The following MECR variants were observed in gnomAD, a reference collection of about 807,000 sequenced individuals.
MECR encodes the protein enoyl-[acyl-carrier-protein] reductase, mitochondrial.
In MECR, 37 loss-of-function variants were observed where a neutral mutation model predicts 49.1. That is an observed-to-expected ratio of 0.75 (90% CI 0.58 to 0.99). MECR has a LOEUF of 0.99. MECR is among the 50% of genes least tolerant of loss of function. The pLI is 0.00. For missense variants in MECR, 470 were observed against 479.6 expected (o/e 0.98, Z 0.19); for synonymous variants, 198 against 191.1 (o/e 1.04, Z -0.30).
intron 1 of MECR, among the ~76,000 whole-genome samples, chr1:29,219,809 C>T (rs183845615): frequency 4.6e-5 from 7 of 152,272 alleles, no homozygotes; most frequent in Admixed American, 2.0e-4. Context: ...ATAAAAACCT[C>T]GTTAGATCGT....
chr1:29,215,618 C>G (rs1679194632), intron 3 of MECR, among the ~76,000 whole-genome samples: 1 of 151,854 alleles, frequency 6.6e-6, no homozygotes, highest in East Asian at 1.9e-4. Context: ...GGCCTGCAGT[C>G]CCAGCATTTT....
chr1:29,181,899 G>A, the MECR span: 5 of 535,480 alleles, frequency 9.3e-6, no homozygotes, highest in Non-Finnish European at 8.8e-6. Flanking sequence ...ACGCGAGCAC[G>A]CAGCTCGCGA....
At chr1:29,212,352 GAGGTTGC>G (rs1678225844) in intron 3 of MECR, among the ~76,000 whole-genome samples, 1 of 152,162 alleles carries the variant, frequency 6.6e-6, no homozygotes, top group African/African-American at 2.4e-5. Context: ...CCATGAGGTG[GAGGTTGC>G]AGGTTGCAGT....
the MECR span, among the ~76,000 whole-genome samples, chr1:29,175,627 G>A: frequency 2.9e-5 from 4 of 135,756 alleles, no homozygotes; most frequent in East Asian, 2.2e-4. Flanking sequence ...CCCAGGAGGC[G>A]GAGCTTGCAG....
At chr1:29,215,924 G>A in intron 3 of MECR, 81 bp downstream of exon 3, 2 of 1,538,798 alleles carry the variant, frequency 1.3e-6, no homozygotes, top group South Asian at 2.4e-5. Context: ...AGGTACACTC[G>A]GCCAATCAGT....
At chr1:29,180,156 G>A in the MECR span, among the ~76,000 whole-genome samples, 1 of 152,220 alleles carries the variant, frequency 6.6e-6, no homozygotes, top group African/African-American at 2.4e-5. Flanking sequence ...CGTAGTAAGT[G>A]GTGGAACCAG....
chr1:29,206,964 A>G (rs1676752085), intron 3 of MECR, 59 bp from the exon 4 acceptor site: 1 of 1,595,238 alleles, frequency 6.3e-7, no homozygotes. Flanking sequence ...ATTCAACCCC[A>G]GCTCACCCTC....
At chr1:29,223,291 A>C in intron 1 of MECR, 1 of 985,466 alleles carries the variant, frequency 1.0e-6, no homozygotes, top group Non-Finnish European at 1.2e-6. Context: ...CAAGGGAGAC[A>C]AAAGCAGGCA....
intron 7 of MECR, among the ~76,000 whole-genome samples, chr1:29,199,125 C>G (rs1240374953): frequency 6.6e-6 from 1 of 152,212 alleles, no homozygotes; most frequent in African/African-American, 2.4e-5. Flanking sequence ...TACCTGGTAG[C>G]TAGTAAGTGC....
At chr1:29,191,183 C>T (rs577043904), downstream of MECR, among the ~76,000 whole-genome samples, 2 of 152,200 alleles carry the variant, frequency 1.3e-5, no homozygotes, top group African/African-American at 2.4e-5. Context: ...GATCTTGAAG[C>T]GTGGTGTTAC....
At chr1:29,196,035 G>A in intron 8 of MECR, 22 bp from the exon 9 acceptor site, 2 of 1,613,812 alleles carry the variant, frequency 1.2e-6, no homozygotes, top group Non-Finnish European at 1.7e-6. Context: ...GGAAGGACAT[G>A]CTGGGCTCTG....
At chr1:29,192,090 C>CAA (rs907597622), downstream of MECR, among the ~76,000 whole-genome samples, 1 of 142,326 alleles carries the variant, frequency 7.0e-6, no homozygotes. Flanking sequence ...GACTTCGTCT[C>CAA]AAAAAAAAAA....
the MECR span, among the ~76,000 whole-genome samples, chr1:29,176,614 C>T: frequency 6.6e-6 from 1 of 152,010 alleles, no homozygotes; most frequent in Non-Finnish European, 1.5e-5. Context: ...GAGAAAAATC[C>T]CTGTGTAGGT....
At position 29,198,998 on chromosome 1, in the gene MECR, C is replaced by A. The variant is rs184447197; in HGVS notation, c.830+1518G>T. 2.8e-4 allele frequency among the ~76,000 whole-genome samples: 42 copies of A among 152,260 alleles called. No homozygotes were observed. In the South Asian group the frequency reaches 3.9e-3, roughly 14 times the overall value. ...GTGGTTGTGGGAAGGGTAAGTCAAGCGCTGCACACAGTCTGGTGCATGGTG... is the reference window on the plus strand; with the variant it reads ...GTGGTTGTGGGAAGGGTAAGTCAAGAGCTGCACACAGTCTGGTGCATGGTG... On this transcript the variant is annotated intron_variant, in intron 7 of 9. Transcript: ENST00000263702.
chr1:29,175,417 C>T, the MECR span, among the ~76,000 whole-genome samples: 4 of 150,556 alleles, frequency 2.7e-5, no homozygotes, highest in Admixed American at 6.6e-5. Flanking sequence ...AATTTCCGGC[C>T]GGGCGTGGTG....
chr1:29,196,152 G>A (rs1458608351), intron 8 of MECR, 46 bp downstream of exon 8: 3 of 1,610,698 alleles, frequency 1.9e-6, no homozygotes, highest in South Asian at 2.2e-5. Flanking sequence ...CCTGGCTGAG[G>A]TGTCTGGCCC....
At chr1:29,173,270 TG>T in the MECR span, 1 of 149,882 alleles carries the variant, frequency 6.7e-6, no homozygotes, top group African/African-American at 2.5e-5. Context: ...CCCAAGTAGC[TG>T]GGACTACAGG....
At chr1:29,223,102 AC>A in intron 1 of MECR, 1 of 985,452 alleles carries the variant, frequency 1.0e-6, no homozygotes, top group Non-Finnish European at 1.2e-6. Context: ...GAGGCACCCA[AC>A]CCAGCCTGGC....
intron 3 of MECR, among the ~76,000 whole-genome samples, chr1:29,209,221 T>A (rs1677350573): frequency 6.6e-6 from 1 of 151,080 alleles, no homozygotes; most frequent in African/African-American, 2.4e-5. Context: ...TACTTACCCT[T>A]ACTATGTGTG....
Sources: gnomAD v4.1 joint callset for allele counts (sites outside exome capture counted in the v4.1 genomes callset) on GRCh38, gnomAD v4.1.1 for gene constraint, MANE v1.5 for transcripts, NCBI Gene and HGNC (gene_info 2026-07-23, HGNC 2026-07-21) for gene names.